PRORP: variants seen among roughly 807,000 people sequenced by gnomAD.
PRORP encodes protein only RNase P catalytic subunit, also known as mitochondrial ribonuclease P catalytic subunit.
Under a neutral mutation model 59.4 loss-of-function variants are expected in PRORP, and 51 were observed. The observed-to-expected ratio is 0.86, with a 90% CI of 0.69 to 1.08. PRORP has a LOEUF of 1.08. Ranked by LOEUF, PRORP falls within the 50% of genes least tolerant of loss-of-function variation. The pLI, the probability that PRORP is intolerant of heterozygous loss-of-function variation, is 0.00. For missense variants in PRORP, 646 were observed against 690.3 expected, an observed-to-expected ratio of 0.94 and a Z score of 0.72; for synonymous variants, 231 against 245.6, an observed-to-expected ratio of 0.94 and a Z score of 0.55.
At chr14:35,223,341 CA>C (rs1425358198) in intron 5 of PRORP, among the ~76,000 whole-genome samples, 1 of 151,800 alleles carries the variant, frequency 6.6e-6, no homozygotes. Context: ...AGGAAATCAT[CA>C]CTATATCAAC....
At chr14:35,186,889 C>G (rs2048756560) in intron 5 of PRORP, among the ~76,000 whole-genome samples, 1 of 152,104 alleles carries the variant, frequency 6.6e-6, no homozygotes, top group Non-Finnish European at 1.5e-5. Flanking sequence ...CCATGTCTGG[C>G]CTTCTTTCTA....
chr14:35,237,002 C>T (rs2050234895), intron 5 of PRORP, among the ~76,000 whole-genome samples: 2 of 147,902 alleles, frequency 1.4e-5, no homozygotes, highest in Non-Finnish European at 3.0e-5. Flanking sequence ...TCCTTCCCTC[C>T]TTCACTCCTT....
chr14:35,273,502 A>G lies in PRORP; in HGVS notation c.1688A>G (p.Asp563Gly), dbSNP rs781285577. Reference sequence around the variant, plus strand: ...TCGTGGCACATACCATATGATGAAGACTTGGTAGAAAGATGTTCCTGTGAA... The same window carrying G: ...TCGTGGCACATACCATATGATGAAGGCTTGGTAGAAAGATGTTCCTGTGAA... ...GDSWHIPYDE[D>G]LVERCSCEVP... The change falls in exon 8 of 8, where the codon GAC becomes GGC. Residue 563 changes from aspartate (D) to glycine (G), a missense_variant. By Grantham distance (94) the Asp-to-Gly change is moderately conservative (BLOSUM62 -1). Transcript: ENST00000534898. The G allele has an allele frequency of 2.5e-6, 4 of 1,613,796 alleles. No individual in the cohort carries two copies. The highest frequency in any genetic ancestry group is 3.4e-6 in the Non-Finnish European group (4 of 1,179,852).
chr14:35,216,255 A>T (rs2049590848), intron 5 of PRORP, among the ~76,000 whole-genome samples: 1 of 147,616 alleles, frequency 6.8e-6, no homozygotes, highest in Admixed American at 6.8e-5. Flanking sequence ...TATATAAATT[A>T]TGTGTGCGTG....
intron 5 of PRORP, among the ~76,000 whole-genome samples, chr14:35,229,998 A>AT (rs1422266092): frequency 1.4e-5 from 2 of 143,486 alleles, no homozygotes; most frequent in Non-Finnish European, 3.0e-5. Flanking sequence ...CTGGGTACAT[A>AT]TTTTTTTTCT....
intron 5 of PRORP, among the ~76,000 whole-genome samples, chr14:35,184,723 G>A (rs534045939): frequency 6.6e-6 from 1 of 152,026 alleles, no homozygotes; most frequent in Non-Finnish European, 1.5e-5. Context: ...CTTTATTTGT[G>A]TTCATAAGCT....
intron 5 of PRORP, among the ~76,000 whole-genome samples, chr14:35,196,394 T>C (rs2049010210): frequency 6.6e-6 from 1 of 152,132 alleles, no homozygotes; most frequent in Non-Finnish European, 1.5e-5. Flanking sequence ...CTCAGGAGGC[T>C]GAGGCGGGGG....
chr14:35,195,327 A>C (rs1382063987), intron 5 of PRORP, among the ~76,000 whole-genome samples: 1 of 152,184 alleles, frequency 6.6e-6, no homozygotes. Flanking sequence ...GAAATTATAC[A>C]GAAGCCAACT....
chr14:35,177,753 G>T (rs1379062827), intron 4 of PRORP, among the ~76,000 whole-genome samples: 1 of 151,920 alleles, frequency 6.6e-6, no homozygotes, highest in African/African-American at 2.4e-5. Context: ...TTTCAGTTCT[G>T]CTCTGATCTT....
At chr14:35,131,299 G>A (rs923277328) in intron 4 of PRORP, among the ~76,000 whole-genome samples, 1 of 152,098 alleles carries the variant, frequency 6.6e-6, no homozygotes, top group African/African-American at 2.4e-5. Context: ...TAGGTCTGGT[G>A]TTGATGTAAT....
At position 35,143,262 on chromosome 14, in the gene PRORP, C is replaced by T. The variant is rs933231904; in HGVS notation, c.1167+15651C>T. Among the ~76,000 whole-genome samples, 4 of 144,610 alleles carry T rather than the reference C, an allele frequency of 2.8e-5. 1 individual carries two copies. The highest frequency in any genetic ancestry group is 9.8e-5 in the African/African-American group (4 of 40,860). The allele number at this position is 144,610 out of a possible 152,430, so 94.9% of individuals were successfully genotyped here. A position where few individuals can be genotyped will look rare whatever the true frequency, so the allele number is the denominator to read the frequency against. On this transcript the variant is annotated intron_variant, in intron 4 of 7. Transcript: ENST00000534898. ...CTGCCTCCCAGGTCCCAGGTTCAAG[C>T]GATTCTCCTGCCTCAGCCTCCCCCG...
In PRORP at chr14:35,152,594, G is replaced by A. The variant is rs190467518; in HGVS notation, c.1167+24983G>A. ...TCCCTCCCGGACGGGGCGGCTGGCC[G>A]GGCGGGGGCTGACCCCCCCACCTCC... On this transcript the variant is annotated intron_variant, in intron 4 of 7. Coordinates refer to ENST00000534898, the MANE Select transcript of PRORP (RefSeq NM_014672.4). Among the ~76,000 whole-genome samples, 393 of 151,782 alleles carry A rather than the reference G, an allele frequency of 2.6e-3. 2 individuals carry two copies. The highest frequency in any genetic ancestry group is 8.9e-3 in the African/African-American group (367 of 41,452).
chr14:35,258,050 A>T (rs1338680120), intron 5 of PRORP, among the ~76,000 whole-genome samples: 1 of 138,164 alleles, frequency 7.2e-6, no homozygotes, highest in Non-Finnish European at 1.5e-5. Context: ...TGTGTCACAT[A>T]TGAGTAAAAA....
At chr14:35,168,682 T>A (rs1461760818) in intron 4 of PRORP, among the ~76,000 whole-genome samples, 1 of 152,204 alleles carries the variant, frequency 6.6e-6, no homozygotes, top group African/African-American at 2.4e-5. Flanking sequence ...TTCCTTATGA[T>A]AAGATTCAGG....
At position 35,275,238 on chromosome 14, in the gene PRORP, G is replaced by A. The variant is rs1391859286; in HGVS notation, c.*1672G>A. 4 of 150,928 alleles carry A rather than the reference G, an allele frequency of 2.7e-5. No homozygotes were observed. The highest frequency in any genetic ancestry group is 2.6e-4 in the Admixed American group (4 of 15,126). The allele number at this position is 150,928 out of a possible 1,614,324, so 9.3% of individuals were successfully genotyped here. On this transcript the variant is annotated 3_prime_UTR_variant, in exon 8 of 8. Transcript: ENST00000534898. ...GACAATATACCTCAAAGTAAGTTAG[G>A]GTAAGAAAAGATAATTACTTACATG...
intron 4 of PRORP, among the ~76,000 whole-genome samples, chr14:35,130,582 C>T (rs551131822): frequency 6.6e-6 from 1 of 151,510 alleles, no homozygotes; most frequent in East Asian, 2.0e-4. Flanking sequence ...CCACTGGGTT[C>T]AAGTGATTCT....
At chr14:35,218,683 G>A (rs762290100) in intron 5 of PRORP, among the ~76,000 whole-genome samples, 1 of 151,686 alleles carries the variant, frequency 6.6e-6, no homozygotes, top group African/African-American at 2.4e-5. Flanking sequence ...CCACCACCAC[G>A]CCTAGCCAAT....
At chr14:35,147,215 A>T (rs2047633679) in intron 4 of PRORP, among the ~76,000 whole-genome samples, 1 of 152,230 alleles carries the variant, frequency 6.6e-6, no homozygotes, top group Non-Finnish European at 1.5e-5. Flanking sequence ...TTGCTAAAAA[A>T]TATGCTGGTG....
At chr14:35,164,768 A>G (rs1396856899) in intron 4 of PRORP, among the ~76,000 whole-genome samples, 3 of 152,184 alleles carry the variant, frequency 2.0e-5, no homozygotes, top group African/African-American at 4.8e-5. Flanking sequence ...TGAAATAAAT[A>G]AAAATAAGGA....
Sources: gnomAD v4.1 joint callset for allele counts (sites outside exome capture counted in the v4.1 genomes callset) on GRCh38, gnomAD v4.1.1 for gene constraint, MANE v1.5 for transcripts, NCBI Gene and HGNC (gene_info 2026-07-23, HGNC 2026-07-21) for gene names.